Variants in ESR1 observed in about 807,000 individuals in gnomAD.
ESR1 encodes estrogen receptor 1.
Under a neutral mutation model 52.7 loss-of-function variants are expected in ESR1, and 12 were observed. The ratio of observed to expected loss-of-function variants is 0.23; its 90% CI spans 0.15 to 0.37. The LOEUF (loss-of-function observed/expected upper bound fraction) is 0.37. Ranked by LOEUF, ESR1 falls within the 10% of genes least tolerant of loss-of-function variation. ESR1 has a pLI of 1.00. For missense variants in ESR1, 584 were observed against 779.7 expected (o/e 0.75, Z 2.99); for synonymous variants, 305 against 316.8 (o/e 0.96, Z 0.39).
upstream of ESR1, chr6:151,807,368 A>C: frequency 4.7e-6 from 1 of 214,594 alleles, no homozygotes; most frequent in South Asian, 8.0e-5. Context: ...AAGGCAGCAC[A>C]TTAGAGAAAG....
chr6:152,052,464 C>T (rs1439252797), intron 5 of ESR1, among the ~76,000 whole-genome samples: 2 of 151,996 alleles, frequency 1.3e-5, no homozygotes, highest in Non-Finnish European at 2.9e-5. Flanking sequence ...TATTTATTTA[C>T]AAAATAAATA....
intron 3 of ESR1, among the ~76,000 whole-genome samples, chr6:151,939,886 CTG>C (rs953265122): frequency 1.3e-3 from 194 of 152,124 alleles, no homozygotes; most frequent in Admixed American, 3.2e-3. Context: ...AACAAAATCT[CTG>C]TTTTTTGTTT....
chr6:151,805,271 T>A (rs1380150735), upstream of ESR1: 1 of 152,214 alleles, frequency 6.6e-6, no homozygotes, highest in Non-Finnish European at 1.5e-5. Flanking sequence ...TCCACATGTA[T>A]CCCAGAAGGC....
At chr6:151,691,367 G>A (rs560666291) in intron 1 of ESR1, among the ~76,000 whole-genome samples, 41 of 152,274 alleles carry the variant, frequency 2.7e-4, no homozygotes, top group African/African-American at 9.9e-4. Flanking sequence ...TCACAAGACA[G>A]GGCAGAATAC....
chr6:151,772,936 A>T (rs2128109891), intron 2 of ESR1, among the ~76,000 whole-genome samples: 1 of 152,214 alleles, frequency 6.6e-6, no homozygotes, highest in South Asian at 2.1e-4. Flanking sequence ...GGATTATTAA[A>T]CACTCTTTTC....
intron 2 of ESR1, among the ~76,000 whole-genome samples, chr6:151,707,049 C>A (rs145559366): frequency 1.3e-5 from 2 of 152,230 alleles, no homozygotes; most frequent in African/African-American, 4.8e-5. Flanking sequence ...GCGTCTAGCA[C>A]AAAGCTCTAA....
intron 2 of ESR1, among the ~76,000 whole-genome samples, chr6:151,860,069 T>C (rs565871505): frequency 7.5e-4 from 114 of 152,336 alleles, no homozygotes; most frequent in African/African-American, 2.5e-3. Context: ...ATTTAACATT[T>C]AATTATTGTG....
At chr6:151,687,637 G>C (rs1246327530), upstream of ESR1, among the ~76,000 whole-genome samples, 3 of 152,160 alleles carry the variant, frequency 2.0e-5, no homozygotes, top group Non-Finnish European at 2.9e-5. Context: ...AACCCAGACA[G>C]ATTGCATCCA....
chr6:151,983,210 G>A (rs1170715947), intron 4 of ESR1, among the ~76,000 whole-genome samples: 1 of 152,128 alleles, frequency 6.6e-6, no homozygotes, highest in Non-Finnish European at 1.5e-5. Flanking sequence ...TTAAGAATGG[G>A]ATCAATGAAG....
At position 151,850,383 on chromosome 6, in the gene ESR1, C is replaced by CAG. The variant is rs764460961; in HGVS notation, c.643+7612_643+7613dup. On this transcript the variant is annotated intron_variant, in intron 2 of 7. Coordinates refer to ENST00000206249, the MANE Select transcript of ESR1 (RefSeq NM_000125.4). ...CAGAGAAGAGAATGTCATATGATAA[C>CAG]AGAGAGAGAGAGAGAGAAGAGAGAG... 3.7e-3 allele frequency among the ~76,000 whole-genome samples: 503 copies of CAG among 134,238 alleles called. 1 individual carries two copies. The highest frequency in any genetic ancestry group is 4.9e-3 in the Non-Finnish European group (307 of 62,544). 88.1% of individuals were successfully genotyped at this position (134,238 alleles called of 152,430 possible).
chr6:151,860,886 T>C (rs886125317), intron 2 of ESR1, among the ~76,000 whole-genome samples: 1 of 152,202 alleles, frequency 6.6e-6, no homozygotes, highest in African/African-American at 2.4e-5. Flanking sequence ...TTCTACCTCT[T>C]ACCTAAGCTT....
At chr6:151,723,109 T>C (rs1479451428) in intron 2 of ESR1, among the ~76,000 whole-genome samples, 1 of 152,210 alleles carries the variant, frequency 6.6e-6, no homozygotes, top group Non-Finnish European at 1.5e-5. Flanking sequence ...ATCTACTTCT[T>C]TGAAAACACT....
rs373557607 is a variant in ESR1, at chr6:151,677,953, C to G, written n.73+21190C>G. Among the ~76,000 whole-genome samples, 3 of 131,640 alleles carry G rather than the reference C, an allele frequency of 2.3e-5. No individual in the cohort carries two copies. The East Asian group carries it at 6.5e-4, about 28-fold the overall frequency. The allele number at this position is 131,640 out of a possible 152,430, so 86.4% of individuals were successfully genotyped here. On this transcript the variant is annotated intron_variant and non_coding_transcript_variant, in intron 1 of 2. Transcript: ENST00000473497. ...TTAGGTGGTACTGTTAAACATGTTA[C>G]ATTTGTAAAAAAATTAATAAAACGT... is the stretch of plus-strand genomic sequence containing the variant.
At chr6:151,968,395 T>C (rs138668011) in intron 4 of ESR1, among the ~76,000 whole-genome samples, 1,624 of 152,104 alleles carry the variant, frequency 0.011, 14 homozygotes, top group Middle Eastern at 0.041. Flanking sequence ...CAAAAAGCAA[T>C]GGCAACAAAA....
chr6:151,924,089 G>A (rs900079229), intron 3 of ESR1, among the ~76,000 whole-genome samples: 5 of 152,142 alleles, frequency 3.3e-5, no homozygotes, highest in African/African-American at 1.2e-4. Context: ...TGTCGCCCAG[G>A]CTGGAGTGCA....
chr6:151,921,879 C>G (rs2031761594), intron 3 of ESR1, among the ~76,000 whole-genome samples: 1 of 152,174 alleles, frequency 6.6e-6, no homozygotes, highest in East Asian at 1.9e-4. Flanking sequence ...TTCCCCCAGT[C>G]TGTAGGTTGC....
intron 3 of ESR1, among the ~76,000 whole-genome samples, chr6:151,897,944 T>G (rs1777135430): frequency 6.6e-6 from 1 of 152,218 alleles, no homozygotes; most frequent in Admixed American, 6.5e-5. Context: ...TATCTGTCCT[T>G]CATTTAAGAA....
chr6:152,070,915 G>A (rs2048305451), intron 6 of ESR1, among the ~76,000 whole-genome samples: 1 of 139,044 alleles, frequency 7.2e-6, no homozygotes, highest in Non-Finnish European at 1.5e-5. Context: ...AATATTCCAT[G>A]GAACAGAGTG....
chr6:151,944,112 T>G lies in ESR1; in HGVS notation c.761-61T>G. ...AAAGCTGGTTAGCTTTGAAAATTTT[T>G]TGTATAAAAGTTTACACGGGAAAAA... On this transcript the variant is annotated intron_variant, in intron 3 of 7. Transcript: ENST00000206249. 3 of 1,474,304 alleles carry G rather than the reference T, an allele frequency of 2.0e-6. No homozygotes were observed. In the South Asian group the frequency reaches 3.5e-5, roughly 17 times the overall value. 91.3% of individuals were successfully genotyped at this position (1,474,304 alleles called of 1,614,324 possible).
Sources: allele counts gnomAD v4.1 joint callset (sites outside exome capture counted in the v4.1 genomes callset), GRCh38; gene constraint gnomAD v4.1.1; transcripts MANE v1.5; gene names NCBI Gene and HGNC (gene_info 2026-07-23, HGNC 2026-07-21).